NUB1: variants seen among roughly 807,000 people sequenced by gnomAD.
NUB1 encodes the protein negative regulator of ubiquitin like proteins 1.
A neutral mutation model predicts 77.1 loss-of-function variants in NUB1; 41 were observed. That is an observed-to-expected ratio of 0.53 (90% confidence interval 0.41 to 0.69). The LOEUF (loss-of-function observed/expected upper bound fraction) is 0.69, where lower values mean the gene tolerates loss of function less well. Among genes scored for constraint, NUB1 ranks in the 30% least tolerant of loss-of-function variants. NUB1 has a pLI of 0.00. For synonymous variants in NUB1, 257 were observed against 281.0 expected, an observed-to-expected ratio of 0.91 and a Z score of 0.85; for missense variants, 643 against 743.8, an observed-to-expected ratio of 0.86 and a Z score of 1.58.
In NUB1 at chr7:151,377,301, T is replaced by C; in HGVS notation, c.*76T>C. 1 of 1,056,376 alleles carries C rather than the reference T, an allele frequency of 9.5e-7. No individual in the cohort carries two copies. The highest frequency in any genetic ancestry group is 1.3e-6 in the Non-Finnish European group (1 of 752,282). 65.4% of individuals were successfully genotyped at this position (1,056,376 alleles called of 1,614,324 possible). A position where few individuals can be genotyped will look rare whatever the true frequency, so the allele number is the denominator to read the frequency against. On this transcript the variant is annotated 3_prime_UTR_variant, in exon 15 of 15. Coordinates refer to ENST00000568733, the MANE Select transcript of NUB1 (RefSeq NM_001243351.2). Reference sequence around the variant, plus strand: ...GAAAAGGCTAATGCAGCTCTTTCTGTTCTTACTTTTTATCTGAATTACAAG... The same window carrying C: ...GAAAAGGCTAATGCAGCTCTTTCTGCTCTTACTTTTTATCTGAATTACAAG...
intron 2 of NUB1, among the ~76,000 whole-genome samples, chr7:151,348,031 T>C (rs1183103177): frequency 6.6e-6 from 1 of 152,196 alleles, no homozygotes; most frequent in Non-Finnish European, 1.5e-5. Context: ...AATGTTTGCT[T>C]TATACCTACT....
At chr7:151,363,417 G>A (rs115026422) in intron 8 of NUB1, among the ~76,000 whole-genome samples, 2,258 of 150,250 alleles carry the variant, frequency 0.015, 56 homozygotes, top group African/African-American at 0.052. Context: ...TGTTACATAA[G>A]GCAATAGAAA....
chr7:151,368,616 C>A, intron 10 of NUB1, 119 bp from the exon 11 acceptor site: 1 of 1,206,302 alleles, frequency 8.3e-7, no homozygotes, highest in Non-Finnish European at 1.1e-6. Flanking sequence ...AGATTTTATC[C>A]AAAATCTGAT....
chr7:151,357,798 C>T (rs1029038379), intron 7 of NUB1, among the ~76,000 whole-genome samples: 5 of 151,162 alleles, frequency 3.3e-5, no homozygotes, highest in African/African-American at 1.2e-4. Flanking sequence ...TTAGTAGAGA[C>T]GGGGTTTCGC....
intron 13 of NUB1, 49 bp from the exon 14 acceptor site, chr7:151,376,585 C>G (rs1450886579): frequency 3.3e-6 from 5 of 1,523,712 alleles, no homozygotes; most frequent in Non-Finnish European, 4.4e-6. Flanking sequence ...ACGGGGGTGG[C>G]AGAAGAGGCG....
intron 2 of NUB1, among the ~76,000 whole-genome samples, chr7:151,346,618 C>CA (rs1796515455): frequency 6.6e-6 from 1 of 152,194 alleles, no homozygotes; most frequent in African/African-American, 2.4e-5. Context: ...CCCTAAGTGA[C>CA]AGATTTTGGA....
Position 151,375,937 on chromosome 7 carries a change from T to G in NUB1, c.1485T>G (p.Ile495Met). 10 of 1,608,336 alleles carry G rather than the reference T, an allele frequency of 6.2e-6. No homozygotes were observed. Among genetic ancestry groups the G allele is most frequent in the Non-Finnish European group, 6.8e-6 (8 of 1,174,834 alleles). The change falls in exon 13 of 15, where the codon ATT becomes ATG. Residue 495 changes from isoleucine to methionine, a missense_variant. Physicochemically the swap from Ile to Met is conservative, Grantham distance 10. Coordinates refer to ENST00000568733, the MANE Select transcript of NUB1 (RefSeq NM_001243351.2). ...NRQESPSQEN[I>M]DRLVYMGFDA... ...AAGAAAGTCCTTCCCAGGAAAACAT[T>G]GACCGAGTGAGTGACAGGCCTTTGT...
At chr7:151,365,030 T>C (rs436414) in intron 8 of NUB1, among the ~76,000 whole-genome samples, 126,403 of 150,022 alleles carry the variant, frequency 0.84, 53,390 homozygotes, top group East Asian at 0.99. Context: ...CTCTATGTTG[T>C]TCAGGCTGGT....
intron 8 of NUB1, among the ~76,000 whole-genome samples, chr7:151,362,545 C>T (rs1171329297): frequency 6.6e-6 from 1 of 152,188 alleles, no homozygotes; most frequent in Admixed American, 6.5e-5. Flanking sequence ...ACAGTGACTT[C>T]CTGGCAGTGC....
chr7:151,367,959 T>C lies in NUB1; in HGVS notation c.1086T>C (p.Tyr362=). ...GAAATGATGTAGAGGCTTATGAGTA[T>C]CTTAACAAGGTAAGAAAAGTAAAGT... is the stretch of plus-strand genomic sequence containing the variant. ...HSGNDVEAYE[Y]LNKARQLFKE... is the part of the protein sequence containing the mutation. The change falls in exon 10 of 15, where the codon TAT becomes TAC. Residue 362 remains tyrosine, a synonymous_variant. Coordinates refer to ENST00000568733, the MANE Select transcript of NUB1 (RefSeq NM_001243351.2). 6.4e-7 allele frequency: 1 copy of C among 1,566,826 alleles called. No homozygotes were observed. Among genetic ancestry groups the C allele is most frequent in the Non-Finnish European group, 8.7e-7 (1 of 1,151,836 alleles).
chr7:151,357,802 G>A (rs1277246166), intron 7 of NUB1, among the ~76,000 whole-genome samples: 3 of 151,442 alleles, frequency 2.0e-5, no homozygotes, highest in Non-Finnish European at 2.9e-5. Context: ...TAGAGACGGG[G>A]TTTCGCCATG....
At chr7:151,366,012 G>GA (rs1172521028) in intron 8 of NUB1, among the ~76,000 whole-genome samples, 2 of 152,140 alleles carry the variant, frequency 1.3e-5, no homozygotes, top group African/African-American at 4.8e-5. Flanking sequence ...CATAAAGAGA[G>GA]AAAACCTTGT....
At chr7:151,358,321 T>C (rs1187775481) in intron 7 of NUB1, among the ~76,000 whole-genome samples, 3 of 152,240 alleles carry the variant, frequency 2.0e-5, no homozygotes, top group Non-Finnish European at 1.5e-5. Flanking sequence ...CTCTCTTACA[T>C]TGAATGACGA....
In NUB1 at chr7:151,349,149, G is replaced by A. The variant is rs1796665902; in HGVS notation, c.194G>A (p.Cys65Tyr). The A allele has an allele frequency of 1.2e-6, 2 of 1,613,524 alleles. No individual in the cohort carries two copies. The highest frequency in any genetic ancestry group is 1.7e-5 in the Admixed American group (1 of 59,976). The change falls in exon 3 of 15, where the codon TGC (cysteine) becomes TAC (tyrosine). Residue 65 changes from cysteine to tyrosine, a missense_variant. Transcript: ENST00000568733. ...GAAAAGGTAATAGAAGAAATACGTT[G>A]CAAGGCAATTGAGCGTGGAACAGGA... ...EVEKVIEEIR[C>Y]KAIERGTGND...
At chr7:151,355,579 G>A (rs1035054147) in intron 5 of NUB1, among the ~76,000 whole-genome samples, 189 bp from the exon 6 acceptor site, 4 of 152,222 alleles carry the variant, frequency 2.6e-5, no homozygotes, top group African/African-American at 9.6e-5. Flanking sequence ...AGGCTGAGGT[G>A]CAAGACTTGC....
intron 7 of NUB1, among the ~76,000 whole-genome samples, chr7:151,359,430 G>A (rs1212943253): frequency 6.9e-6 from 1 of 144,338 alleles, no homozygotes; most frequent in African/African-American, 2.7e-5. Context: ...GTGACAGAGC[G>A]AGACTCTGTC....
intron 2 of NUB1, among the ~76,000 whole-genome samples, chr7:151,348,048 G>A (rs1458470476): frequency 6.6e-6 from 1 of 152,142 alleles, no homozygotes; most frequent in African/African-American, 2.4e-5. Flanking sequence ...TACTAGTTGG[G>A]CATCCTAATC....
At chr7:151,358,349 A>G (rs1797186369) in intron 7 of NUB1, among the ~76,000 whole-genome samples, 1 of 152,212 alleles carries the variant, frequency 6.6e-6, no homozygotes, top group African/African-American at 2.4e-5. Flanking sequence ...ATCTTTTTGG[A>G]AAACCTTTAT....
intron 11 of NUB1, among the ~76,000 whole-genome samples, chr7:151,373,007 A>G (rs764284550): frequency 1.3e-5 from 2 of 152,096 alleles, no homozygotes; most frequent in Non-Finnish European, 2.9e-5. Flanking sequence ...GCCTGCTCCT[A>G]CTGTGGGGCC....
Sources: allele counts gnomAD v4.1 joint callset (sites outside exome capture counted in the v4.1 genomes callset), GRCh38; gene constraint gnomAD v4.1.1; transcripts MANE v1.5; gene names NCBI Gene and HGNC (gene_info 2026-07-23, HGNC 2026-07-21).